CCDC18: variants seen among roughly 807,000 people sequenced by gnomAD.
The protein encoded by CCDC18 is coiled-coil domain-containing protein 18.
CCDC18 carries 157 observed loss-of-function variants against 196.0 expected under a neutral mutation model. The ratio of observed to expected loss-of-function variants is 0.80; its 90% CI spans 0.70 to 0.91. CCDC18 has a LOEUF of 0.91. Ranked by LOEUF, CCDC18 falls within the 40% of genes least tolerant of loss-of-function variation. CCDC18 has a pLI of 0.00. For missense variants in CCDC18, 1,465 were observed against 1,611.6 expected (o/e 0.91, Z 1.56); for synonymous variants, 482 against 529.2 (o/e 0.91, Z 1.22).
intron 4 of CCDC18, among the ~76,000 whole-genome samples, chr1:93,187,718 C>A (rs907028593): frequency 3.0e-4 from 45 of 152,036 alleles, no homozygotes; most frequent in African/African-American, 1.1e-3. Flanking sequence ...CATAAAACTT[C>A]TTTGGTGTTT....
At chr1:93,212,495 C>T (rs187633480) in intron 11 of CCDC18, among the ~76,000 whole-genome samples, 12 of 152,184 alleles carry the variant, frequency 7.9e-5, no homozygotes, top group African/African-American at 2.9e-4. Flanking sequence ...CTCCTTCCAC[C>T]CTCCACCCTC....
rs189297634 is a variant in CCDC18, at chr1:93,236,842, C to T, written c.2603+452C>T. ...GTGAATATTAAAATCACCTCAAGAG[C>T]TTGTAAAAAAACATACTGATGACTG... On this transcript the variant is annotated intron_variant, in intron 19 of 28. Coordinates refer to ENST00000690025, the MANE Select transcript of CCDC18 (RefSeq NM_001378204.1). Among the ~76,000 whole-genome samples the T allele has an allele frequency of 2.4e-4, 36 of 152,222 alleles. 1 individual carries two copies. The East Asian group carries it at 6.8e-3, about 29-fold the overall frequency.
chr1:93,221,385 G>C (rs1657408251), intron 14 of CCDC18, among the ~76,000 whole-genome samples: 1 of 152,030 alleles, frequency 6.6e-6, no homozygotes, highest in Admixed American at 6.6e-5. Flanking sequence ...CAGCAATGTT[G>C]AGCTTTTTTT....
intron 6 of CCDC18, 89 bp downstream of exon 6, chr1:93,193,833 A>G (rs377033908): frequency 2.9e-6 from 3 of 1,038,090 alleles, no homozygotes; most frequent in Admixed American, 6.3e-5. Flanking sequence ...TTTGAAGTGA[A>G]AAAATTTCAG....
chr1:93,183,423 A>G lies in CCDC18; in HGVS notation c.62A>G (p.Asn21Ser). 1 of 1,607,484 alleles carries G rather than the reference A, an allele frequency of 6.2e-7. No individual in the cohort carries two copies. The highest frequency in any genetic ancestry group is 8.5e-7 in the Non-Finnish European group (1 of 1,175,824). Residue 21 changes from asparagine to serine, a missense_variant, in exon 2 of 29, where the codon AAT becomes AGT. Physicochemically the swap from Asn to Ser is conservative, Grantham distance 46. Transcript: ENST00000690025. ...KDNEEESLLA[N>S]VASLRHELKI... ...AATGAAGAGGAAAGTTTGCTTGCAA[A>G]TGTTGCTTCCTTAAGACATGAACTG...
chr1:93,257,231 CAAA>C (rs71586787), intron 25 of CCDC18, among the ~76,000 whole-genome samples: 1 of 46,530 alleles, frequency 2.1e-5, no homozygotes, highest in African/African-American at 8.4e-5. Context: ...GACTCCATCT[CAAA>C]AAAAAAAAAA....
intron 4 of CCDC18, chr1:93,191,160 C>G: frequency 2.2e-6 from 1 of 460,806 alleles, no homozygotes; most frequent in Non-Finnish European, 4.0e-6. Context: ...TGTGGGATAA[C>G]CCAAAATGAA....
intron 17 of CCDC18, among the ~76,000 whole-genome samples, chr1:93,227,226 T>G (rs1658509810): frequency 7.3e-6 from 1 of 137,852 alleles, no homozygotes; most frequent in Non-Finnish European, 1.5e-5. Flanking sequence ...TCGCCCAGGC[T>G]CGGCTCACTG....
At chr1:93,254,008 A>G (rs1370781037) in intron 23 of CCDC18, among the ~76,000 whole-genome samples, 1 of 152,054 alleles carries the variant, frequency 6.6e-6, no homozygotes, top group Non-Finnish European at 1.5e-5. Context: ...AACAGTGTTT[A>G]TTTACCTCTA....
chr1:93,232,662 T>A (rs1659426008), intron 18 of CCDC18, 69 bp downstream of exon 18: 1 of 1,249,462 alleles, frequency 8.0e-7, no homozygotes. Context: ...TGAATAGATT[T>A]TTCGTTAGTT....
chr1:93,203,506 T>C (rs1654193661), intron 7 of CCDC18, among the ~76,000 whole-genome samples: 1 of 152,074 alleles, frequency 6.6e-6, no homozygotes. Context: ...AGATGAAAGA[T>C]ACCCTGGGAG....
intron 17 of CCDC18, among the ~76,000 whole-genome samples, chr1:93,230,441 G>A (rs575390061): frequency 1.8e-4 from 27 of 151,122 alleles, no homozygotes; most frequent in African/African-American, 1.9e-4. Flanking sequence ...GCAGTGAGCC[G>A]AGATCGCATC....
At chr1:93,241,151 C>G (rs1489349597) in intron 21 of CCDC18, among the ~76,000 whole-genome samples, 3 of 150,872 alleles carry the variant, frequency 2.0e-5, no homozygotes, top group Non-Finnish European at 4.4e-5. Context: ...GGCGGGGTTT[C>G]ACCACGTTGG....
At chr1:93,197,183 A>G (rs1652865014) in intron 6 of CCDC18, among the ~76,000 whole-genome samples, 1 of 152,218 alleles carries the variant, frequency 6.6e-6, no homozygotes, top group Non-Finnish European at 1.5e-5. Flanking sequence ...TAATAAAGAT[A>G]AGGATGAAAT....
chr1:93,269,540 TTTAG>T (rs1665011282), intron 27 of CCDC18: 1 of 151,964 alleles, frequency 6.6e-6, no homozygotes. Flanking sequence ...TTATGACAGT[TTTAG>T]TTATGAACAC....
intron 12 of CCDC18, 25 bp downstream of exon 12, chr1:93,214,991 A>T (rs1453143289): frequency 6.9e-7 from 1 of 1,440,786 alleles, no homozygotes; most frequent in Non-Finnish European, 9.5e-7. Flanking sequence ...AGCTTGGTAT[A>T]TATGTTAATT....
chr1:93,265,645 G>C (rs577277812), intron 27 of CCDC18, among the ~76,000 whole-genome samples: 10 of 152,078 alleles, frequency 6.6e-5, no homozygotes, highest in Non-Finnish European at 1.3e-4. Context: ...TGGCACTCTA[G>C]CCACTTTAAA....
intron 21 of CCDC18, among the ~76,000 whole-genome samples, chr1:93,242,267 C>T (rs1204993590): frequency 6.6e-6 from 1 of 152,166 alleles, no homozygotes; most frequent in Non-Finnish European, 1.5e-5. Context: ...CACAGTTCCA[C>T]GTGGCTGGGG....
chr1:93,180,786 G>T lies in CCDC18; in HGVS notation c.-69G>T, dbSNP rs761092271. 4 of 1,367,552 alleles carry T rather than the reference G, an allele frequency of 2.9e-6. No individual in the cohort carries two copies. The African/African-American group carries it at 4.4e-5, about 15-fold the overall frequency. 84.7% of individuals were successfully genotyped at this position (1,367,552 alleles called of 1,614,324 possible). ...CGAGTTGTGTCCGAGGCTTCCACGC[G>T]CAGGGGCCCGGGAAAGGGTCAGAGG... is the stretch of plus-strand genomic sequence containing the variant. On this transcript the variant is annotated 5_prime_UTR_variant, in exon 1 of 29. Coordinates refer to ENST00000690025, the MANE Select transcript of CCDC18 (RefSeq NM_001378204.1).
Sources: gnomAD v4.1 joint callset for allele counts (sites outside exome capture counted in the v4.1 genomes callset) on GRCh38, gnomAD v4.1.1 for gene constraint, MANE v1.5 for transcripts, NCBI Gene and HGNC (gene_info 2026-07-23, HGNC 2026-07-21) for gene names.